BMI1: variants seen among roughly 807,000 people sequenced by gnomAD.
The protein encoded by BMI1 is BMI1 proto-oncogene, polycomb ring finger, also known as polycomb complex protein BMI-1.
A neutral mutation model predicts 39.1 loss-of-function variants in BMI1; 9 were observed. The observed-to-expected ratio is 0.23, with a 90% CI of 0.14 to 0.40. BMI1 has a LOEUF of 0.40. BMI1 is among the 10% of genes least tolerant of loss of function. The pLI, the probability that BMI1 is intolerant of heterozygous loss-of-function variation, is 1.00. For missense variants in BMI1, 252 were observed against 390.8 expected (o/e 0.64, Z 2.99); for synonymous variants, 131 against 127.9 (o/e 1.02, Z -0.16).
intron 1 of BMI1, among the ~76,000 whole-genome samples, chr10:22,321,955 C>G (rs1487898616): frequency 6.9e-6 from 1 of 145,216 alleles, no homozygotes; most frequent in Non-Finnish European, 1.5e-5. Context: ...GGGACCGACC[C>G]GCAGCCCGCG....
At chr10:22,325,982 C>T (rs1352014345) in intron 1 of BMI1, 2 of 152,858 alleles carry the variant, frequency 1.3e-5, no homozygotes, top group Non-Finnish European at 2.9e-5. Context: ...CTTGCTGGAA[C>T]CGTCTAAAAC....
chr10:22,321,992 G>C (rs1455847669), intron 1 of BMI1: 1 of 145,384 alleles, frequency 6.9e-6, no homozygotes, highest in African/African-American at 2.5e-5. Context: ...AGCAGGGCTC[G>C]GCGCCGCTCC....
chr10:22,324,275 A>G (rs942679989), intron 1 of BMI1, among the ~76,000 whole-genome samples: 6 of 152,224 alleles, frequency 3.9e-5, no homozygotes, highest in African/African-American at 1.4e-4. Flanking sequence ...AAACAGAAAT[A>G]TCAGCTTGCT....
chr10:22,327,709 T>C (rs747145981), intron 4 of BMI1, 33 bp from the exon 5 acceptor site: 7 of 1,613,230 alleles, frequency 4.3e-6, no homozygotes, highest in Non-Finnish European at 5.9e-6. Context: ...CTTTGTGTTA[T>C]GCCAAATGTT....
intron 8 of BMI1, 94 bp downstream of exon 8, chr10:22,328,792 A>G (rs1251733301): frequency 3.1e-6 from 4 of 1,303,314 alleles, no homozygotes; most frequent in Non-Finnish European, 4.1e-6. Context: ...AAAGCAATAG[A>G]AAAAAAATGT....
Position 22,328,023 on chromosome 10 carries a change from A to C in BMI1, c.390A>C (p.Ile130=). Residue 130 remains isoleucine (I), a synonymous_variant, in exon 6 of 10, where the codon ATA becomes ATC. Coordinates refer to ENST00000376663, the MANE Select transcript of BMI1 (RefSeq NM_005180.9). The stretch of plus-strand genomic sequence containing the variant: ...AGAGAATTATAACTGATGATGAGAT[A>C]ATAAGCTTATCCATTGAATTCTTTG... The part of the protein sequence containing the change: ...EDKRIITDDE[I]ISLSIEFFDQ... 1 of 1,610,786 alleles carries C rather than the reference A, an allele frequency of 6.2e-7. No individual in the cohort carries two copies. Among genetic ancestry groups the C allele is most frequent in the East Asian group, 2.2e-5 (1 of 44,740 alleles).
At chr10:22,322,784 T>C (rs1836040932) in intron 1 of BMI1, among the ~76,000 whole-genome samples, 1 of 152,222 alleles carries the variant, frequency 6.6e-6, no homozygotes, top group East Asian at 1.9e-4. Context: ...AAAGGGATGC[T>C]TTAGAAAAGA....
At position 22,326,554 on chromosome 10, in the gene BMI1, A is replaced by G. The variant is rs950607131; in HGVS notation, c.105A>G (p.Leu35=). 2.2e-5 allele frequency: 36 copies of G among 1,613,856 alleles called. No individual in the cohort carries two copies. Among genetic ancestry groups the G allele is most frequent in the Admixed American group, 5.0e-5 (3 of 59,982 alleles). ...ATGCCACAACCATAATAGAATGTCT[A>G]CATTCCTGTAAGTACCGAGCTTTAG... is the stretch of plus-strand genomic sequence containing the variant. The part of the protein sequence containing the change: ...FIDATTIIEC[L]HSFCKTCIVR... The change falls in exon 2 of 10, where the codon CTA becomes CTG. Residue 35 remains leucine, a synonymous_variant. Coordinates refer to ENST00000376663, the MANE Select transcript of BMI1 (RefSeq NM_005180.9).
In BMI1 at chr10:22,321,390, CGAG is replaced by C. The variant is rs377124330; in HGVS notation, c.-309_-307del. ...CGGAGCGGGAGGAGGCGGCGGCGGC[CGAG>C]GAGGAGGAGGAGGAGGCCCCGGAGG... On this transcript the variant is annotated 5_prime_UTR_variant, in exon 1 of 10. Coordinates refer to ENST00000376663, the MANE Select transcript of BMI1 (RefSeq NM_005180.9). The C allele has an allele frequency of 1.4e-3, 220 of 158,792 alleles. No individual in the cohort carries two copies. Among genetic ancestry groups the C allele is most frequent in the South Asian group, 3.9e-3 (24 of 6,176 alleles). The allele number at this position is 158,792 out of a possible 1,614,324, so 9.8% of individuals were successfully genotyped here.
chr10:22,327,045 A>G, intron 3 of BMI1, 59 bp downstream of exon 3: 3 of 1,563,598 alleles, frequency 1.9e-6, no homozygotes, highest in African/African-American at 1.4e-5. Context: ...TAATTTACTG[A>G]AGGCAACCCT....
intron 3 of BMI1, among the ~76,000 whole-genome samples, chr10:22,327,227 G>C (rs1032462666): frequency 1.3e-5 from 2 of 152,092 alleles, no homozygotes; most frequent in African/African-American, 2.4e-5. Context: ...TTTAAAAACT[G>C]AGTTAGTTCA....
At chr10:22,326,651 G>A in intron 2 of BMI1, 90 bp downstream of exon 2, 1 of 1,543,204 alleles carries the variant, frequency 6.5e-7, no homozygotes, top group East Asian at 2.3e-5. Flanking sequence ...CCTGCAATCT[G>A]TGGAAATGTT....
intron 2 of BMI1, 82 bp from the exon 3 acceptor site, chr10:22,326,808 T>C: frequency 6.6e-7 from 1 of 1,525,314 alleles, no homozygotes; most frequent in East Asian, 2.3e-5. Context: ...CATCTTGTTT[T>C]CTACTAGTTC....
At position 22,329,604 on chromosome 10, in the gene BMI1, A is replaced by G. The variant is rs1210328930; in HGVS notation, c.*62A>G. Reference sequence around the variant, plus strand: ...TGATTTATATAGATATCTTCATGCCATTACAGCTTTCTAGATGCTAATACA... The same window carrying G: ...TGATTTATATAGATATCTTCATGCCGTTACAGCTTTCTAGATGCTAATACA... On this transcript the variant is annotated 3_prime_UTR_variant, in exon 10 of 10. Transcript: ENST00000376663. 2.6e-6 allele frequency: 4 copies of G among 1,535,146 alleles called. No individual in the cohort carries two copies. The highest frequency in any genetic ancestry group is 2.8e-5 in the African/African-American group (2 of 72,358).
intron 2 of BMI1, 87 bp downstream of exon 2, chr10:22,326,648 T>A (rs986149895): frequency 1.4e-5 from 21 of 1,547,314 alleles, no homozygotes; most frequent in Non-Finnish European, 1.8e-5. Flanking sequence ...ATTCCTGCAA[T>A]CTGTGGAAAT....
intron 3 of BMI1, 121 bp from the exon 4 acceptor site, chr10:22,327,474 G>C: frequency 9.8e-7 from 1 of 1,022,176 alleles, no homozygotes; most frequent in Non-Finnish European, 1.4e-6. Flanking sequence ...ATCAATAATA[G>C]TTATAGACAG....
At chr10:22,323,725 A>G in intron 1 of BMI1, among the ~76,000 whole-genome samples, 1 of 152,204 alleles carries the variant, frequency 6.6e-6, no homozygotes, top group East Asian at 1.9e-4. Context: ...AGTGTGTTAC[A>G]ATGGCAAGTT....
At chr10:22,327,460 T>C in intron 3 of BMI1, 135 bp from the exon 4 acceptor site, 1 of 891,054 alleles carries the variant, frequency 1.1e-6, no homozygotes, top group East Asian at 2.7e-5. Context: ...ATAGTTTTTA[T>C]CTTATCAATA....
intron 9 of BMI1, 28 bp downstream of exon 9, chr10:22,329,156 T>C: frequency 6.2e-7 from 1 of 1,611,054 alleles, no homozygotes; most frequent in Non-Finnish European, 8.5e-7. Flanking sequence ...TGTTAGATTA[T>C]GATGGTAAAC....
Sources: gnomAD v4.1 joint callset for allele counts (sites outside exome capture counted in the v4.1 genomes callset) on GRCh38, gnomAD v4.1.1 for gene constraint, MANE v1.5 for transcripts, NCBI Gene and HGNC (gene_info 2026-07-23, HGNC 2026-07-21) for gene names.